MCC: variants seen among roughly 807,000 people sequenced by gnomAD.
MCC encodes MCC regulator of Wnt signaling pathway.
A neutral mutation model predicts 116.2 loss-of-function variants in MCC; 90 were observed. That is an observed-to-expected ratio of 0.77 (90% CI 0.65 to 0.92). The LOEUF (loss-of-function observed/expected upper bound fraction) is 0.92, where lower values mean the gene tolerates loss of function less well. MCC is among the 40% of genes least tolerant of loss of function. The pLI, the probability that MCC is intolerant of heterozygous loss-of-function variation, is 0.00. For missense variants in MCC, 1,516 were observed against 1,312.2 expected, an observed-to-expected ratio of 1.16 and a Z score of -2.40; for synonymous variants, 578 against 510.5, an observed-to-expected ratio of 1.13 and a Z score of -1.78.
chr5:113,159,406 A>T (rs1372633865), intron 3 of MCC, among the ~76,000 whole-genome samples: 2 of 152,182 alleles, frequency 1.3e-5, no homozygotes, highest in Non-Finnish European at 2.9e-5. Context: ...AGAATCACAC[A>T]TCGTCTTACC....
chr5:113,183,175 G>C (rs1160280678), intron 3 of MCC, among the ~76,000 whole-genome samples: 1 of 152,144 alleles, frequency 6.6e-6, no homozygotes, highest in Admixed American at 6.5e-5. Flanking sequence ...CTGCTCCTCA[G>C]TGTAATTGAT....
At chr5:113,109,238 A>C (rs1448724318) in intron 6 of MCC, among the ~76,000 whole-genome samples, 2 of 152,224 alleles carry the variant, frequency 1.3e-5, no homozygotes, top group African/African-American at 4.8e-5. Flanking sequence ...AGCATTATTC[A>C]CAGTAGCCAA....
intron 1 of MCC, among the ~76,000 whole-genome samples, chr5:113,480,253 G>A (rs1772344206): frequency 6.6e-6 from 1 of 152,208 alleles, no homozygotes; most frequent in Non-Finnish European, 1.5e-5. Context: ...AAGGACGACT[G>A]AGCAAAGCGC....
intron 3 of MCC, among the ~76,000 whole-genome samples, chr5:113,304,281 A>G (rs569850801): frequency 1.3e-5 from 2 of 152,338 alleles, no homozygotes; most frequent in Admixed American, 6.5e-5. Context: ...TGGTTAGTCT[A>G]TGTTTAAAAC....
chr5:113,457,430 C>A (rs576635833), intron 1 of MCC, among the ~76,000 whole-genome samples: 2 of 152,246 alleles, frequency 1.3e-5, no homozygotes, highest in African/African-American at 4.8e-5. Flanking sequence ...CCTACCCCCG[C>A]CTCCGTGGGC....
chr5:113,099,010 C>T (rs1581055126), intron 8 of MCC, among the ~76,000 whole-genome samples: 1 of 152,094 alleles, frequency 6.6e-6, no homozygotes, highest in African/African-American at 2.4e-5. Context: ...CAGATCCCTC[C>T]TGAGGGAAAT....
chr5:113,083,035 T>C (rs1351206833), intron 10 of MCC, 27 bp from the exon 11 acceptor site: 4 of 1,600,146 alleles, frequency 2.5e-6, no homozygotes, highest in South Asian at 2.3e-5. Flanking sequence ...TAATTCCCCT[T>C]TGGAACATAT....
intron 11 of MCC, among the ~76,000 whole-genome samples, chr5:113,081,782 AT>A (rs5870530): frequency 0.97 from 147,263 of 152,306 alleles, 71,378 homozygotes; most frequent in East Asian, 1. Flanking sequence ...TAGATTGCCA[AT>A]TTACCTTAGT....
rs893705196 is a variant in MCC, at chr5:113,023,493, C to G, written c.*3809G>C. Reference sequence around the variant, plus strand: ...TTACTTATGCTCCACCTCCCCAGCCCTCACTAAAAACTTTGGTAGCCCTAT... The same window carrying G: ...TTACTTATGCTCCACCTCCCCAGCCGTCACTAAAAACTTTGGTAGCCCTAT... On this transcript the variant is annotated 3_prime_UTR_variant, in exon 19 of 19. Coordinates refer to ENST00000408903, the MANE Select transcript of MCC (RefSeq NM_001085377.2). 3 of 152,320 alleles carry G rather than the reference C, an allele frequency of 2.0e-5. No individual in the cohort carries two copies. The highest frequency in any genetic ancestry group is 4.4e-5 in the Non-Finnish European group (3 of 68,100). The allele number at this position is 152,320 out of a possible 1,614,324, so 9.4% of individuals were successfully genotyped here.
chr5:113,138,323 C>A (rs1303274543), intron 5 of MCC, among the ~76,000 whole-genome samples: 2 of 152,280 alleles, frequency 1.3e-5, no homozygotes, highest in East Asian at 3.9e-4. Context: ...CGCCAAAATT[C>A]TTATGTTGAA....
chr5:113,075,961 G>A (rs943730576), intron 11 of MCC, among the ~76,000 whole-genome samples: 1 of 152,114 alleles, frequency 6.6e-6, no homozygotes, highest in East Asian at 1.9e-4. Flanking sequence ...CACTGTGAAG[G>A]TCTGCAGCTT....
At chr5:113,143,436 C>T in intron 4 of MCC, 76 bp from the exon 5 acceptor site, 1 of 1,524,954 alleles carries the variant, frequency 6.6e-7, no homozygotes, top group East Asian at 2.3e-5. Flanking sequence ...GCTTTGTGGC[C>T]TTAAACCATT....
chr5:113,027,424 ACTT>A lies in MCC; in HGVS notation c.2935_2937del (p.Lys979del). The A allele has an allele frequency of 6.2e-7, 1 of 1,613,952 alleles. No homozygotes were observed. Among genetic ancestry groups the A allele is most frequent in the Non-Finnish European group, 8.5e-7 (1 of 1,179,982 alleles). ...ACCATGGCCATCATCTGCGACTCTA[ACTT>A]CTTCAGTTTGTTTTGATGCTTTTTC... On this transcript the variant is annotated inframe_deletion, in exon 19 of 19. Coordinates refer to ENST00000408903, the MANE Select transcript of MCC (RefSeq NM_001085377.2).
chr5:113,296,495 T>C (rs1766715199), intron 3 of MCC, among the ~76,000 whole-genome samples: 1 of 152,136 alleles, frequency 6.6e-6, no homozygotes, highest in African/African-American at 2.4e-5. Context: ...CTGTGAAGAA[T>C]GGCTGAGCCC....
intron 3 of MCC, among the ~76,000 whole-genome samples, chr5:113,321,522 A>G (rs1767421917): frequency 6.6e-6 from 1 of 152,214 alleles, no homozygotes; most frequent in Non-Finnish European, 1.5e-5. Context: ...GGAAACTCCC[A>G]AGGGGGATGG....
At chr5:113,445,574 C>T (rs572494678) in intron 1 of MCC, among the ~76,000 whole-genome samples, 3 of 152,082 alleles carry the variant, frequency 2.0e-5, no homozygotes, top group Admixed American at 1.3e-4. Flanking sequence ...CACTATAAAA[C>T]ACTGCTGAAA....
At chr5:113,425,481 A>G (rs1445258987) in intron 1 of MCC, among the ~76,000 whole-genome samples, 1 of 152,232 alleles carries the variant, frequency 6.6e-6, no homozygotes, top group African/African-American at 2.4e-5. Context: ...GGCATAAACA[A>G]GAAACAATTC....
At chr5:113,148,627 T>C (rs557058498) in intron 4 of MCC, among the ~76,000 whole-genome samples, 8 of 152,220 alleles carry the variant, frequency 5.3e-5, no homozygotes, top group African/African-American at 1.7e-4. Context: ...ACATGAATCT[T>C]TTACCAAGGC....
At chr5:113,111,949 G>T (rs1028978010) in intron 6 of MCC, among the ~76,000 whole-genome samples, 4 of 152,142 alleles carry the variant, frequency 2.6e-5, no homozygotes, top group African/African-American at 7.2e-5. Flanking sequence ...CGGCAGAGTT[G>T]GTTCATTTTG....
Sources: gnomAD v4.1 joint callset for allele counts (sites outside exome capture counted in the v4.1 genomes callset) on GRCh38, gnomAD v4.1.1 for gene constraint, MANE v1.5 for transcripts, NCBI Gene and HGNC (gene_info 2026-07-23, HGNC 2026-07-21) for gene names.